The following RARB variants were observed in gnomAD, a reference collection of about 807,000 sequenced individuals.
The protein encoded by RARB is retinoic acid receptor beta, also known as HBV-activated protein.
RARB carries 17 observed loss-of-function variants against 51.9 expected under a neutral mutation model. That is an observed-to-expected ratio of 0.33 (90% CI 0.22 to 0.49). The LOEUF is 0.49. RARB is among the 20% of genes least tolerant of loss of function. RARB has a pLI of 0.99. For missense variants in RARB, 369 were observed against 550.8 expected (o/e 0.67, Z 3.30); for synonymous variants, 215 against 195.4 (o/e 1.10, Z -0.84).
At chr3:25,111,073 A>G (rs1575165189) in intron 3 of RARB, among the ~76,000 whole-genome samples, 1 of 152,096 alleles carries the variant, frequency 6.6e-6, no homozygotes, top group South Asian at 2.1e-4. Flanking sequence ...TGGCAGGATT[A>G]TTTTCTTACC....
At chr3:25,146,101 C>G (rs975932250) in intron 4 of RARB, among the ~76,000 whole-genome samples, 13 of 152,168 alleles carry the variant, frequency 8.5e-5, no homozygotes, top group Admixed American at 5.2e-4. Flanking sequence ...CCTTGCCCCT[C>G]ACTAGCTCTG....
In RARB at chr3:25,106,450, T is replaced by TTCTTG. The variant is rs1491231864; in HGVS notation, c.-327-25711_-327-25710insTCTTG. On this transcript the variant is annotated intron_variant, in intron 3 of 11. Transcript: ENST00000383772. ...ACCACCATGCCCAGCTACTGTTTTT[T>TTCTTG]GTTTTTTGTTTTTTTTTGTTTTGTT... 5.3e-3 allele frequency among the ~76,000 whole-genome samples: 462 copies of TTCTTG among 87,686 alleles called. 8 individuals are homozygous for TTCTTG. Among genetic ancestry groups the TTCTTG allele is most frequent in the African/African-American group, 0.02 (418 of 20,578 alleles). The allele number at this position is 87,686 out of a possible 152,430, so 57.5% of individuals were successfully genotyped here.
At chr3:25,017,121 T>C (rs1024522584) in intron 2 of RARB, among the ~76,000 whole-genome samples, 2 of 152,134 alleles carry the variant, frequency 1.3e-5, no homozygotes, top group Non-Finnish European at 2.9e-5. Context: ...GTATATGGGA[T>C]GGGAGATACC....
chr3:24,847,557 A>T (rs557506913), intron 1 of RARB, among the ~76,000 whole-genome samples: 1 of 152,332 alleles, frequency 6.6e-6, no homozygotes, highest in Non-Finnish European at 1.5e-5. Context: ...CTTGAGTCTC[A>T]GTCTTCCATT....
At chr3:24,970,943 C>T (rs766910645) in intron 2 of RARB, among the ~76,000 whole-genome samples, 36 of 151,958 alleles carry the variant, frequency 2.4e-4, no homozygotes, top group Non-Finnish European at 4.4e-4. Context: ...TCATCAGTTA[C>T]AATTGTTCTT....
intron 5 of RARB, among the ~76,000 whole-genome samples, chr3:25,356,571 T>G (rs1037550123): frequency 1.3e-5 from 2 of 152,078 alleles, no homozygotes; most frequent in South Asian, 2.1e-4. Flanking sequence ...ATGCGCAGGT[T>G]TGTTACATAG....
chr3:25,202,580 A>C (rs1371392877), intron 5 of RARB, among the ~76,000 whole-genome samples: 1 of 152,196 alleles, frequency 6.6e-6, no homozygotes, highest in Admixed American at 6.6e-5. Context: ...TTAGTGCTAT[A>C]AATTTCCCTC....
At chr3:25,334,432 G>A (rs1413143295) in intron 5 of RARB, among the ~76,000 whole-genome samples, 1 of 152,068 alleles carries the variant, frequency 6.6e-6, no homozygotes, top group Non-Finnish European at 1.5e-5. Context: ...TGCAAGGACA[G>A]AAAAGCAAAC....
At chr3:25,081,616 TATATA>T (rs1416254205) in intron 3 of RARB, among the ~76,000 whole-genome samples, 5 of 14,586 alleles carry the variant, frequency 3.4e-4, no homozygotes, top group African/African-American at 9.7e-4. Context: ...TATATATATA[TATATA>T]TTTTTTTTTT....
At chr3:25,448,139 G>T (rs1709030579) in intron 1 of RARB, among the ~76,000 whole-genome samples, 2 of 151,896 alleles carry the variant, frequency 1.3e-5, no homozygotes, top group Non-Finnish European at 2.9e-5. Flanking sequence ...GGAGAGTGAG[G>T]ATTTGAATCC....
At chr3:24,889,744 C>G (rs944427074) in intron 2 of RARB, among the ~76,000 whole-genome samples, 6 of 146,312 alleles carry the variant, frequency 4.1e-5, no homozygotes, top group Admixed American at 2.8e-4. Context: ...GGCACAAATT[C>G]TAATTTTTAA....
Position 25,440,485 on chromosome 3 carries a change from A to T in RARB, c.157+11597A>T, listed in dbSNP as rs1337054942. 4.6e-5 allele frequency among the ~76,000 whole-genome samples: 7 copies of T among 151,712 alleles called. No homozygotes were observed. In the East Asian group the frequency reaches 1.4e-3, roughly 29 times the overall value. Reference sequence around the variant, plus strand: ...AAAAAAGAAATTTATTTAAAAAAAAAATCCAGGCCAGGCATGGTGGCTCAC... The same window carrying T: ...AAAAAAGAAATTTATTTAAAAAAAATATCCAGGCCAGGCATGGTGGCTCAC... On this transcript the variant is annotated intron_variant, in intron 1 of 7. Transcript: ENST00000330688.
chr3:25,502,584 G>A (rs1168982162), intron 3 of RARB, among the ~76,000 whole-genome samples: 2 of 152,148 alleles, frequency 1.3e-5, no homozygotes, highest in Non-Finnish European at 2.9e-5. Flanking sequence ...TTCAGAGAAA[G>A]CTTCACAGCT....
chr3:24,880,385 C>A (rs935946564), intron 2 of RARB, among the ~76,000 whole-genome samples: 1 of 151,866 alleles, frequency 6.6e-6, no homozygotes, highest in Non-Finnish European at 1.5e-5. Flanking sequence ...TAATTAATAT[C>A]CTTGGAGAGA....
intron 2 of RARB, among the ~76,000 whole-genome samples, chr3:25,030,783 G>A (rs1697856873): frequency 6.6e-6 from 1 of 152,206 alleles, no homozygotes; most frequent in Non-Finnish European, 1.5e-5. Context: ...TTTACCAAAT[G>A]TGCCTGTCTG....
At chr3:25,317,895 C>T (rs9834664) in intron 5 of RARB, among the ~76,000 whole-genome samples, 81,002 of 151,856 alleles carry the variant, frequency 0.53, 22,262 homozygotes, top group East Asian at 0.88. Flanking sequence ...CTTCACACCA[C>T]CCAGCCTGTC....
intron 5 of RARB, among the ~76,000 whole-genome samples, chr3:25,200,269 A>G (rs78035592): frequency 0.5 from 74,891 of 150,000 alleles, 19,075 homozygotes; most frequent in African/African-American, 0.6. Flanking sequence ...TGTTCATATC[A>G]TTTGCCCACT....
chr3:25,024,408 C>T (rs1433180739), intron 2 of RARB, among the ~76,000 whole-genome samples: 1 of 152,082 alleles, frequency 6.6e-6, no homozygotes, highest in African/African-American at 2.4e-5. Flanking sequence ...GTTGTGCTTT[C>T]TAATTCATAT....
At chr3:25,501,137 C>A in intron 2 of RARB, 45 bp from the exon 3 acceptor site, 1 of 1,530,754 alleles carries the variant, frequency 6.5e-7, no homozygotes, top group South Asian at 1.3e-5. Context: ...TCTGATGAAG[C>A]TCATTTGCTT....
Sources: gnomAD v4.1 joint callset for allele counts (sites outside exome capture counted in the v4.1 genomes callset) on GRCh38, gnomAD v4.1.1 for gene constraint, MANE v1.5 for transcripts, NCBI Gene and HGNC (gene_info 2026-07-23, HGNC 2026-07-21) for gene names.